Variants in SYK observed in about 807,000 individuals in gnomAD.
SYK encodes the protein spleen associated tyrosine kinase, also known as tyrosine-protein kinase SYK.
A neutral mutation model predicts 77.8 loss-of-function variants in SYK; 16 were observed. That is an observed-to-expected ratio of 0.21 (90% CI 0.14 to 0.31). SYK has a LOEUF of 0.31. Ranked by LOEUF, SYK falls within the 10% of genes least tolerant of loss-of-function variation. SYK has a pLI of 1.00. For synonymous variants in SYK, 312 were observed against 308.7 expected (o/e 1.01, Z -0.11); for missense variants, 529 against 814.4 (o/e 0.65, Z 4.26).
intron 1 of SYK, among the ~76,000 whole-genome samples, chr9:90,830,285 G>A (rs1239249073): frequency 1.3e-5 from 2 of 152,230 alleles, no homozygotes; most frequent in Non-Finnish European, 2.9e-5. Context: ...ACCTACTGAC[G>A]AAGCCAGTGG....
chr9:90,881,582 A>G (rs1828153593), intron 11 of SYK, among the ~76,000 whole-genome samples: 1 of 146,324 alleles, frequency 6.8e-6, no homozygotes, highest in African/African-American at 2.5e-5. Flanking sequence ...CTGGTGGCTG[A>G]GGCAGGAGAA....
At chr9:90,853,116 A>C (rs1826881893) in intron 3 of SYK, among the ~76,000 whole-genome samples, 2 of 151,766 alleles carry the variant, frequency 1.3e-5, no homozygotes, top group South Asian at 4.2e-4. Context: ...CTTGGTGGGA[A>C]AAATCTCTCT....
intron 3 of SYK, among the ~76,000 whole-genome samples, chr9:90,853,514 A>G (rs1826899813): frequency 6.6e-6 from 1 of 152,054 alleles, no homozygotes. Flanking sequence ...AATGTGGCAC[A>G]TATACACCAT....
intron 1 of SYK, among the ~76,000 whole-genome samples, chr9:90,817,876 T>TGA (rs1247857576): frequency 4.3e-3 from 144 of 33,756 alleles, no homozygotes; most frequent in African/African-American, 5.7e-3. Flanking sequence ...TGTGTGTGTG[T>TGA]GTGTGTGAGA....
chr9:90,853,158 A>G (rs1414309666), intron 3 of SYK, among the ~76,000 whole-genome samples: 1 of 150,846 alleles, frequency 6.6e-6, no homozygotes, highest in Non-Finnish European at 1.5e-5. Flanking sequence ...GCTAACTTGA[A>G]TGGTGGCCAC....
intron 3 of SYK, among the ~76,000 whole-genome samples, chr9:90,850,945 A>C (rs1826797493): frequency 6.6e-6 from 1 of 152,232 alleles, no homozygotes; most frequent in Non-Finnish European, 1.5e-5. Flanking sequence ...GAAGCAGATT[A>C]CGTCTGGGAG....
chr9:90,885,672 A>G (rs1828536252), intron 11 of SYK, among the ~76,000 whole-genome samples: 4 of 152,356 alleles, frequency 2.6e-5, no homozygotes, highest in Admixed American at 2.6e-4. Context: ...ATCCAGATGC[A>G]GGAGGCCCAA....
chr9:90,820,777 C>T (rs967909583), intron 1 of SYK, among the ~76,000 whole-genome samples: 1 of 152,146 alleles, frequency 6.6e-6, no homozygotes, highest in Non-Finnish European at 1.5e-5. Flanking sequence ...CAAATTTCTG[C>T]AGCTGAGTTG....
chr9:90,847,548 C>T (rs1321761383), intron 3 of SYK, among the ~76,000 whole-genome samples: 2 of 152,250 alleles, frequency 1.3e-5, no homozygotes, highest in East Asian at 1.9e-4. Context: ...CACACCTTCC[C>T]GTGCTCCCTC....
At chr9:90,885,537 A>G (rs1318954620) in intron 11 of SYK, among the ~76,000 whole-genome samples, 1 of 152,236 alleles carries the variant, frequency 6.6e-6, no homozygotes, top group Non-Finnish European at 1.5e-5. Context: ...TATATGGGGC[A>G]GTGTAAAGCA....
rs148870003 is a variant in SYK, at chr9:90,884,150, T to TGTATATATATATACACATAC, written c.1582-3597_1582-3596insATATATATATACACATACGT. Among the ~76,000 whole-genome samples, 26 of 71,456 alleles carry TGTATATATATATACACATAC rather than the reference T, an allele frequency of 3.6e-4. 3 individuals carry two copies. Among genetic ancestry groups the TGTATATATATATACACATAC allele is most frequent in the African/African-American group, 1.5e-3 (24 of 16,420 alleles). The allele number at this position is 71,456 out of a possible 152,430, so 46.9% of individuals were successfully genotyped here. ...AGTGCCCTACATATATATATGTGTG[T>TGTATATATATATACACATAC]GTGTATATATACACACATACACATA... On this transcript the variant is annotated intron_variant, in intron 11 of 13. Transcript: ENST00000375754.
intron 5 of SYK, 97 bp from the exon 6 acceptor site, chr9:90,864,951 C>G (rs1827422426): frequency 8.1e-7 from 1 of 1,239,242 alleles, no homozygotes; most frequent in Non-Finnish European, 1.2e-6. Flanking sequence ...TCTCAAGCAG[C>G]AGCACATCCT....
intron 13 of SYK, among the ~76,000 whole-genome samples, chr9:90,893,872 C>T (rs887130464): frequency 1.1e-4 from 16 of 152,292 alleles, no homozygotes; most frequent in Admixed American, 8.5e-4. Flanking sequence ...AATCTGCACT[C>T]TGGCCCGAAA....
chr9:90,872,896 G>A (rs1827784169), intron 7 of SYK, among the ~76,000 whole-genome samples: 1 of 152,174 alleles, frequency 6.6e-6, no homozygotes, highest in Non-Finnish European at 1.5e-5. Flanking sequence ...TATTTTTGAT[G>A]TGTCATAGTT....
At chr9:90,882,100 A>C (rs1196408490) in intron 11 of SYK, among the ~76,000 whole-genome samples, 1 of 152,264 alleles carries the variant, frequency 6.6e-6, no homozygotes, top group Non-Finnish European at 1.5e-5. Flanking sequence ...ACCAGAAAAA[A>C]GTATACACTA....
At chr9:90,892,951 C>A (rs726758) in intron 13 of SYK, among the ~76,000 whole-genome samples, 1 of 152,204 alleles carries the variant, frequency 6.6e-6, no homozygotes, top group African/African-American at 2.4e-5. Context: ...CCCTGGCTCC[C>A]TGCACAACCT....
intron 1 of SYK, among the ~76,000 whole-genome samples, chr9:90,824,722 G>T (rs1825616003): frequency 6.6e-6 from 1 of 150,808 alleles, no homozygotes; most frequent in Non-Finnish European, 1.5e-5. Flanking sequence ...GAAAACTTTT[G>T]TAACTTGATA....
chr9:90,844,070 G>A lies in SYK; in HGVS notation c.172G>A (p.Gly58Arg), dbSNP rs763174175. The change falls in exon 2 of 14, where the codon GGG becomes AGG. Residue 58 changes from glycine to arginine, a missense_variant. Gly to Arg is a moderately radical substitution (Grantham distance 125). Coordinates refer to ENST00000375754, the MANE Select transcript of SYK (RefSeq NM_003177.7). ...TGGCTTCGCCCTGTCCGTGGCCCAC[G>A]GGAGGAAGGCACACCACTACACCAT... ...LGGFALSVAH[G>R]RKAHHYTIER... 2.2e-5 allele frequency: 35 copies of A among 1,612,192 alleles called. No individual in the cohort carries two copies. Among genetic ancestry groups the A allele is most frequent in the Middle Eastern group, 1.6e-4 (1 of 6,064 alleles).
chr9:90,836,436 T>A (rs1826088849), intron 1 of SYK, among the ~76,000 whole-genome samples: 1 of 152,224 alleles, frequency 6.6e-6, no homozygotes, highest in Non-Finnish European at 1.5e-5. Context: ...AATACTTATA[T>A]GCCATTCACA....
Sources: allele counts gnomAD v4.1 joint callset (sites outside exome capture counted in the v4.1 genomes callset), GRCh38; gene constraint gnomAD v4.1.1; transcripts MANE v1.5; gene names NCBI Gene and HGNC (gene_info 2026-07-23, HGNC 2026-07-21).